The following STK32C variants were observed in gnomAD, a reference collection of about 807,000 sequenced individuals.
STK32C encodes the protein serine/threonine-protein kinase 32C.
A neutral mutation model predicts 56.5 loss-of-function variants in STK32C; 31 were observed. The ratio of observed to expected loss-of-function variants is 0.55; its 90% CI spans 0.41 to 0.74. The LOEUF (loss-of-function observed/expected upper bound fraction) is 0.74. Among genes scored for constraint, STK32C ranks in the 30% least tolerant of loss-of-function variants. The pLI is 0.00. For missense variants in STK32C, 544 were observed against 676.9 expected (o/e 0.80, Z 2.18); for synonymous variants, 309 against 289.4 (o/e 1.07, Z -0.69).
chr10:132,262,764 A>AAC (rs2064346955), intron 1 of STK32C, among the ~76,000 whole-genome samples: 2 of 151,736 alleles, frequency 1.3e-5, no homozygotes, highest in Non-Finnish European at 2.9e-5. Context: ...AAAAAAAAAA[A>AAC]AAAAAAAAAC....
chr10:132,275,052 G>A (rs1174113409), intron 1 of STK32C, among the ~76,000 whole-genome samples: 4 of 152,174 alleles, frequency 2.6e-5, no homozygotes, highest in Admixed American at 1.3e-4. Flanking sequence ...TGTGGTTCAC[G>A]GTGTCCCCCA....
Position 132,301,224 on chromosome 10 carries a change from C to A in STK32C, c.262+6348G>T, listed in dbSNP as rs117378312. Among the ~76,000 whole-genome samples the A allele has an allele frequency of 1.8e-3, 275 of 150,806 alleles. 1 individual carries two copies. The East Asian group carries it at 0.03, about 17-fold the overall frequency. On this transcript the variant is annotated intron_variant, in intron 1 of 11. Transcript: ENST00000298630. ...AGTAGAAGGCCTGGTCCCCCACTAA[C>A]GTGAACCCAGATTCAGCTCCGAGCT... is the stretch of plus-strand genomic sequence containing the variant.
chr10:132,283,550 G>T (rs3935287), intron 1 of STK32C, among the ~76,000 whole-genome samples: 30,040 of 152,182 alleles, frequency 0.2, 3,704 homozygotes, highest in Non-Finnish European at 0.29. Context: ...CCTCCAGGCC[G>T]CCCATCTTCC....
chr10:132,225,698 C>G (rs939839027), intron 5 of STK32C, 49 bp downstream of exon 5: 4 of 1,612,790 alleles, frequency 2.5e-6, no homozygotes, highest in Non-Finnish European at 3.4e-6. Flanking sequence ...CCTGACAGGC[C>G]CATCCCTGCC....
At chr10:132,235,835 C>G (rs778646385) in intron 2 of STK32C, among the ~76,000 whole-genome samples, 12 of 152,166 alleles carry the variant, frequency 7.9e-5, no homozygotes, top group Admixed American at 5.2e-4. Flanking sequence ...GTGATGGGAT[C>G]GTAAAGACCG....
intron 2 of STK32C, among the ~76,000 whole-genome samples, chr10:132,238,480 C>A (rs2063376002): frequency 6.6e-6 from 1 of 152,138 alleles, no homozygotes; most frequent in African/African-American, 2.4e-5. Context: ...TCGGGAAAAG[C>A]AGGGAAAGGC....
intron 2 of STK32C, 84 bp from the exon 3 acceptor site, chr10:132,228,212 G>A (rs767659946): frequency 2.8e-5 from 44 of 1,587,578 alleles, no homozygotes; most frequent in Non-Finnish European, 3.7e-5. Flanking sequence ...GGGGATGCCT[G>A]GGGACGCATC....
At chr10:132,278,786 T>C (rs1480239416) in intron 1 of STK32C, among the ~76,000 whole-genome samples, 2 of 143,560 alleles carry the variant, frequency 1.4e-5, no homozygotes, top group African/African-American at 2.6e-5. Context: ...AAATTCAAAA[T>C]ACTACAAACT....
chr10:132,290,386 G>A (rs2065527499), intron 1 of STK32C, among the ~76,000 whole-genome samples: 1 of 152,230 alleles, frequency 6.6e-6, no homozygotes, highest in South Asian at 2.1e-4. Context: ...GGAGTCCAGA[G>A]CGAACATAAC....
At chr10:132,274,703 A>C (rs2064945019) in intron 1 of STK32C, among the ~76,000 whole-genome samples, 1 of 152,182 alleles carries the variant, frequency 6.6e-6, no homozygotes, top group African/African-American at 2.4e-5. Flanking sequence ...GCTGAGCGCA[A>C]ACCTCAAAAT....
chr10:132,268,628 TGTG>T (rs2064692776), intron 1 of STK32C, among the ~76,000 whole-genome samples: 1 of 96,940 alleles, frequency 1.0e-5, no homozygotes, highest in Non-Finnish European at 2.1e-5. Context: ...TGTCCCACAT[TGTG>T]TGTGTGTGTG....
At chr10:132,286,463 C>G (rs1385709526) in intron 1 of STK32C, among the ~76,000 whole-genome samples, 1 of 152,150 alleles carries the variant, frequency 6.6e-6, no homozygotes, top group Non-Finnish European at 1.5e-5. Context: ...CAAAACCAGA[C>G]AAGGACACTG....
rs2064094604 is a variant in STK32C, at chr10:132,255,717, A to G, written c.263-9762T>C. ...AAACCCCAGGGCAGGAAGGTCAGAG[A>G]TCAGGAGAGGGGATGAGGGTGTGGG... On this transcript the variant is annotated intron_variant, in intron 1 of 11. Transcript: ENST00000298630. The surrounding 1 kb of genome is among the most constrained non-coding windows in gnomAD (Gnocchi z 4.6). Among the ~76,000 whole-genome samples the G allele has an allele frequency of 6.6e-6, 1 of 152,152 alleles. No individual in the cohort carries two copies. The highest frequency in any genetic ancestry group is 2.4e-5 in the African/African-American group (1 of 41,430).
chr10:132,278,621 C>T (rs1390119129), intron 1 of STK32C, among the ~76,000 whole-genome samples: 3 of 151,894 alleles, frequency 2.0e-5, no homozygotes, highest in African/African-American at 7.3e-5. Context: ...ATTAGCCGGG[C>T]GTGGTGGCAG....
exon 1 of STK32C, chr10:132,331,736 T>C: frequency 6.2e-7 from 1 of 1,612,126 alleles, no homozygotes; most frequent in East Asian, 2.2e-5. Flanking sequence ...GCACTTAGCA[T>C]CCCGCTCTCT....
At chr10:132,221,766 A>G (rs2062670558) in intron 10 of STK32C, among the ~76,000 whole-genome samples, 2 of 121,168 alleles carry the variant, frequency 1.7e-5, no homozygotes, top group Non-Finnish European at 1.6e-5. Flanking sequence ...AACCAAAGCC[A>G]GCACACCTGG....
intron 1 of STK32C, chr10:132,248,944 G>C: frequency 2.2e-6 from 1 of 456,636 alleles, no homozygotes; most frequent in East Asian, 6.9e-5. Flanking sequence ...TCCCGGAGAG[G>C]AAAAGGATGG....
intron 2 of STK32C, among the ~76,000 whole-genome samples, chr10:132,237,915 C>T (rs1281688034): frequency 3.9e-5 from 6 of 152,234 alleles, no homozygotes; most frequent in East Asian, 1.9e-4. Context: ...CCCCTCCCAA[C>T]GCTGGCCTGG....
chr10:132,255,978 G>C lies in STK32C; in HGVS notation c.263-10023C>G, dbSNP rs1450836600. 6.6e-6 allele frequency among the ~76,000 whole-genome samples: 1 copy of C among 152,214 alleles called. No homozygotes were observed. The highest frequency in any genetic ancestry group is 2.4e-5 in the African/African-American group (1 of 41,454). On this transcript the variant is annotated intron_variant, in intron 1 of 11. Coordinates refer to ENST00000298630, the MANE Select transcript of STK32C (RefSeq NM_173575.4). This position sits in a 1 kb window ranked among gnomAD's most constrained non-coding sequence, Gnocchi z 4.6. ...TGGTGTCCAGCTTGGACTCGCCCGG[G>C]TGGCTTGGCGGCTTCCCGGCATCCC...
Sources: gnomAD v4.1 joint callset for allele counts (sites outside exome capture counted in the v4.1 genomes callset) on GRCh38, gnomAD v4.1.1 for gene constraint, Gnocchi (gnomAD v3.1) non-coding constraint, MANE v1.5 for transcripts, NCBI Gene and HGNC (gene_info 2026-07-23, HGNC 2026-07-21) for gene names.